The following CABP5 variants were observed in gnomAD, a reference collection of about 807,000 sequenced individuals.
The protein encoded by CABP5 is calcium-binding protein 5.
In CABP5, 17 loss-of-function variants were observed where a neutral mutation model predicts 21.9. That is an observed-to-expected ratio of 0.78 (90% CI 0.53 to 1.17). The LOEUF is 1.17. Among genes scored for constraint, CABP5 ranks in the 50% most tolerant of loss-of-function variants. The pLI is 0.00. For synonymous variants in CABP5, 85 were observed against 79.4 expected (o/e 1.07, Z -0.37); for missense variants, 229 against 228.9 (o/e 1.00, Z 0.00).
In CABP5 at chr19:48,030,560, G is replaced by A; in HGVS notation, c.519C>T (p.Arg173=). ...DFEEFVKMMS[R] ...GTCTGGAGCTTCCAGGACCTCCTCA[G>A]CGAGACATCATCTTCACAAACTCTG... Residue 173 remains arginine (R), a synonymous_variant, in exon 6 of 6, where the codon CGC becomes CGT. Transcript: ENST00000293255. 2 of 1,613,128 alleles carry A rather than the reference G, an allele frequency of 1.2e-6. No individual in the cohort carries two copies. The highest frequency in any genetic ancestry group is 1.7e-6 in the Non-Finnish European group (2 of 1,179,722).
In CABP5 at chr19:48,040,729, A is replaced by T. The variant is rs780574019; in HGVS notation, c.114T>A (p.Leu38=). 100 of 1,613,960 alleles carry T rather than the reference A, an allele frequency of 6.2e-5. No homozygotes were observed. Among genetic ancestry groups the T allele is most frequent in the Non-Finnish European group, 8.1e-5 (95 of 1,179,972 alleles). ...ACCCATCTCGGTCCTTATCGAACTC[A>T]AGAAATGCTTCCCGCAGCTCTGAAA... ...DEIEELREAF[L]EFDKDRDGFI... is the part of the protein sequence containing the mutation. Residue 38 remains leucine, a synonymous_variant, in exon 3 of 6, where the codon CTT becomes CTA. Transcript: ENST00000293255.
intron 5 of CABP5, among the ~76,000 whole-genome samples, chr19:48,032,312 A>G (rs1179310994): frequency 6.7e-6 from 1 of 148,600 alleles, no homozygotes; most frequent in Non-Finnish European, 1.5e-5. Flanking sequence ...ATAGACTTGC[A>G]TATCAGACAA....
At chr19:48,039,903 C>T (rs1021362871) in intron 3 of CABP5, among the ~76,000 whole-genome samples, 4 of 151,482 alleles carry the variant, frequency 2.6e-5, no homozygotes, top group Non-Finnish European at 5.9e-5. Context: ...TTAGTAGAGA[C>T]GGGGTGTCAC....
At chr19:48,030,746 T>A (rs545530477) in intron 5 of CABP5, among the ~76,000 whole-genome samples, 164 bp from the exon 6 acceptor site, 1 of 152,300 alleles carries the variant, frequency 6.6e-6, no homozygotes, top group East Asian at 1.9e-4. Context: ...GAATCAGATC[T>A]CTGTGGCAAG....
At position 48,039,182 on chromosome 19, in the gene CABP5, C is replaced by A. The variant is rs141869209; in HGVS notation, c.348+26G>T. 1,091 of 1,567,150 alleles carry A rather than the reference C, an allele frequency of 7.0e-4. 2 individuals are homozygous for A. The African/African-American group carries it at 9.3e-3, about 13-fold the overall frequency. On this transcript the variant is annotated intron_variant, in intron 4 of 5. Transcript: ENST00000293255. ...CTCAGAGGGTCTGCCTCTACCATCA[C>A]CAGCACCATGACACTGTTAACTCAC...
intron 4 of CABP5, 21 bp from the exon 5 acceptor site, chr19:48,034,383 A>G: frequency 1.3e-6 from 2 of 1,484,228 alleles, no homozygotes; most frequent in Non-Finnish European, 1.8e-6. Context: ...GCAGAAATAG[A>G]TTATATCAGC....
rs531596395 is a variant in CABP5, at chr19:48,034,598, T to G, written c.349-236A>C. Among the ~76,000 whole-genome samples the G allele has an allele frequency of 2.7e-5, 4 of 150,602 alleles. No homozygotes were observed. The East Asian group carries it at 7.8e-4, about 30-fold the overall frequency. On this transcript the variant is annotated intron_variant, in intron 4 of 5. Coordinates refer to ENST00000293255, the MANE Select transcript of CABP5 (RefSeq NM_019855.5). The stretch of plus-strand genomic sequence containing the variant: ...TCTCACCCTGTCACCCAGGCTGAAG[T>G]GCAGTGGTGCAATCTCAGCTCACTG...
In CABP5 at chr19:48,037,836, C is replaced by T. The variant is rs78597847; in HGVS notation, c.348+1372G>A. Among the ~76,000 whole-genome samples the T allele has an allele frequency of 5.6e-3, 848 of 152,206 alleles. 14 individuals carry two copies. Among genetic ancestry groups the T allele is most frequent in the African/African-American group, 0.02 (815 of 41,510 alleles). On this transcript the variant is annotated intron_variant, in intron 4 of 5. Coordinates refer to ENST00000293255, the MANE Select transcript of CABP5 (RefSeq NM_019855.5). ...AGAAGTTTACTTAAGTATACAAGTACGTTATGCTAATTATATTAGCATACT... is the reference window on the plus strand; with the variant it reads ...AGAAGTTTACTTAAGTATACAAGTATGTTATGCTAATTATATTAGCATACT...
chr19:48,039,380 T>C, intron 3 of CABP5, 63 bp from the exon 4 acceptor site: 4 of 1,295,726 alleles, frequency 3.1e-6, no homozygotes, highest in Non-Finnish European at 4.5e-6. Context: ...TACCTCACTT[T>C]GTGCTTCGAG....
At chr19:48,038,326 A>G (rs1415559213) in intron 4 of CABP5, among the ~76,000 whole-genome samples, 2 of 151,786 alleles carry the variant, frequency 1.3e-5, no homozygotes, top group Non-Finnish European at 2.9e-5. Context: ...GCTCCCAAAC[A>G]CTCTACTACT....
rs757770114 is a variant in CABP5, at chr19:48,034,199, G to A, written c.496+16C>T. 10 of 1,533,184 alleles carry A rather than the reference G, an allele frequency of 6.5e-6. No individual in the cohort carries two copies. The highest frequency in any genetic ancestry group is 7.9e-6 in the Non-Finnish European group (9 of 1,137,540). The allele number at this position is 1,533,184 out of a possible 1,614,324, so 95.0% of individuals were successfully genotyped here. A position where few individuals can be genotyped will look rare whatever the true frequency, so the allele number is the denominator to read the frequency against. ...GGTGGCTGCCCCCGCTCCCCACCAC[G>A]CCCCGTCAATGTCACCTTCAAAGTC... is the stretch of plus-strand genomic sequence containing the variant. On this transcript the variant is annotated intron_variant, in intron 5 of 5. Coordinates refer to ENST00000293255, the MANE Select transcript of CABP5 (RefSeq NM_019855.5).
chr19:48,042,265 C>CA (rs781155277), intron 1 of CABP5, among the ~76,000 whole-genome samples: 17 of 152,162 alleles, frequency 1.1e-4, no homozygotes, highest in Non-Finnish European at 2.4e-4. Context: ...CACCTGCCTC[C>CA]AATCTTCCTG....
chr19:48,036,490 A>G (rs1967410010), intron 4 of CABP5, among the ~76,000 whole-genome samples: 1 of 152,198 alleles, frequency 6.6e-6, no homozygotes, highest in Admixed American at 6.5e-5. Flanking sequence ...AGCAGAGAGT[A>G]GAAGGATAGT....
At chr19:48,037,572 A>C (rs530458593) in intron 4 of CABP5, among the ~76,000 whole-genome samples, 2 of 151,082 alleles carry the variant, frequency 1.3e-5, no homozygotes, top group East Asian at 3.9e-4. Flanking sequence ...CTGGCCTTAA[A>C]ATTTTCTAGT....
At chr19:48,043,235 T>C (rs1053044097) in intron 1 of CABP5, among the ~76,000 whole-genome samples, 11 of 151,128 alleles carry the variant, frequency 7.3e-5, no homozygotes, top group African/African-American at 2.7e-4. Flanking sequence ...CTCAAACTCC[T>C]GGACATAAGT....
chr19:48,030,637 CATT>C, intron 5 of CABP5, 55 bp from the exon 6 acceptor site: 1 of 1,588,452 alleles, frequency 6.3e-7, no homozygotes, highest in Non-Finnish European at 8.6e-7. Context: ...AAGCCCCCAA[CATT>C]ATTTTTTGAG....
intron 1 of CABP5, among the ~76,000 whole-genome samples, chr19:48,042,449 G>C (rs1967492926): frequency 6.6e-6 from 1 of 152,090 alleles, no homozygotes; most frequent in Non-Finnish European, 1.5e-5. Context: ...ATGTTAACAA[G>C]GAAATTCTAC....
intron 1 of CABP5, among the ~76,000 whole-genome samples, chr19:48,042,782 C>G (rs1967498630): frequency 6.6e-6 from 1 of 152,048 alleles, no homozygotes; most frequent in South Asian, 2.1e-4. Context: ...ACCATCTTGG[C>G]CAGGCTGGTC....
At position 48,030,577 on chromosome 19, in the gene CABP5, C is replaced by T. The variant is rs1967327915; in HGVS notation, c.502G>A (p.Val168Met). The T allele has an allele frequency of 1.2e-6, 2 of 1,610,884 alleles. No individual in the cohort carries two copies. The highest frequency in any genetic ancestry group is 1.7e-6 in the Non-Finnish European group (2 of 1,179,444). ...CCTCCTCAGCGAGACATCATCTTCA[C>T]AAACTCTGCAAAGAAAAAAAAAAAT... is the stretch of plus-strand genomic sequence containing the variant. Reference protein sequence around the residue: ...GDGTVDFEEFVKMMSR With the variant: ...GDGTVDFEEFMKMMSR The change falls in exon 6 of 6, where the codon GTG (valine) becomes ATG (methionine). Residue 168 changes from valine (V) to methionine (M), a missense_variant. By Grantham distance (21) the Val-to-Met change is conservative. Coordinates refer to ENST00000293255, the MANE Select transcript of CABP5 (RefSeq NM_019855.5).
Sources: gnomAD v4.1 joint callset for allele counts (sites outside exome capture counted in the v4.1 genomes callset) on GRCh38, gnomAD v4.1.1 for gene constraint, MANE v1.5 for transcripts, NCBI Gene and HGNC (gene_info 2026-07-23, HGNC 2026-07-21) for gene names.